The following PSTPIP1 variants were observed in gnomAD, a reference collection of about 807,000 sequenced individuals.
PSTPIP1 encodes the protein proline-serine-threonine phosphatase-interacting protein 1.
Under a neutral mutation model 69.6 loss-of-function variants are expected in PSTPIP1, and 66 were observed. The observed-to-expected ratio is 0.95, with a 90% CI of 0.78 to 1.16. The LOEUF is 1.16. Ranked by LOEUF, PSTPIP1 falls within the 50% of genes most tolerant of loss-of-function variation. The pLI is 0.00. For missense variants in PSTPIP1, 603 were observed against 557.4 expected, an observed-to-expected ratio of 1.08 and a Z score of -0.82; for synonymous variants, 266 against 222.7, an observed-to-expected ratio of 1.19 and a Z score of -1.73.
intron 12 of PSTPIP1, 77 bp from the exon 13 acceptor site, chr15:77,035,431 C>T: frequency 6.9e-6 from 10 of 1,446,746 alleles, no homozygotes; most frequent in Non-Finnish European, 8.5e-6. Context: ...GAGACCTCTC[C>T]CTGTCTAAAC....
At chr15:77,001,002 C>T (rs779552936) in intron 1 of PSTPIP1, among the ~76,000 whole-genome samples, 1 of 152,166 alleles carries the variant, frequency 6.6e-6, no homozygotes, top group South Asian at 2.1e-4. Context: ...CTCACTCCAT[C>T]GGGAACACCT....
At chr15:76,996,682 C>G (rs930585922) in intron 1 of PSTPIP1, among the ~76,000 whole-genome samples, 16 of 152,376 alleles carry the variant, frequency 1.1e-4, no homozygotes, top group African/African-American at 3.8e-4. Flanking sequence ...TCTGCTCTGA[C>G]TGTACAGTAG....
rs757237581 is a variant in PSTPIP1, at chr15:77,035,814, C to A, written c.998C>A (p.Thr333Asn). 1 of 1,608,506 alleles carries A rather than the reference C, an allele frequency of 6.2e-7. No individual in the cohort carries two copies. The highest frequency in any genetic ancestry group is 8.5e-7 in the Non-Finnish European group (1 of 1,179,536). The change falls in exon 14 of 15, where the codon ACC becomes AAC. Residue 333 changes from threonine (T) to asparagine (N), a missense_variant. Transcript: ENST00000558012. ...ACCCTGCTCTTAGCGTCCACAGAGACCCTGACCCCCACCCCCGAGCGGAAT... is the reference window on the plus strand; with the variant it reads ...ACCCTGCTCTTAGCGTCCACAGAGAACCTGACCCCCACCCCCGAGCGGAAT... ...SLAASAASTE[T>N]LTPTPERNEG...
chr15:77,002,259 G>A (rs914969150), intron 1 of PSTPIP1, among the ~76,000 whole-genome samples: 4 of 152,160 alleles, frequency 2.6e-5, no homozygotes, highest in East Asian at 1.9e-4. Flanking sequence ...TAGGTCTGTC[G>A]AACTCTATTG....
At chr15:76,996,053 G>A (rs1366609924) in intron 1 of PSTPIP1, among the ~76,000 whole-genome samples, 1 of 152,148 alleles carries the variant, frequency 6.6e-6, no homozygotes, top group Non-Finnish European at 1.5e-5. Flanking sequence ...TGATAAAATA[G>A]AAATCAACAC....
Position 77,037,319 on chromosome 15 carries a change from T to A in PSTPIP1, c.*143T>A. 9.0e-7 allele frequency: 1 copy of A among 1,114,304 alleles called. No individual in the cohort carries two copies. The highest frequency in any genetic ancestry group is 2.7e-5 in the East Asian group (1 of 36,822). The allele number at this position is 1,114,304 out of a possible 1,614,324, so 69.0% of individuals were successfully genotyped here. On this transcript the variant is annotated 3_prime_UTR_variant, in exon 15 of 15. Coordinates refer to ENST00000558012, the MANE Select transcript of PSTPIP1 (RefSeq NM_003978.5). ...TGTCGTCTCCCAGGGAATAAAGGAG[T>A]GCGTTCTGTTCTCCTTGGTGTGCTG...
chr15:77,018,715 C>T (rs1455514805), intron 3 of PSTPIP1, among the ~76,000 whole-genome samples, 184 bp downstream of exon 3: 1 of 152,034 alleles, frequency 6.6e-6, no homozygotes, highest in Non-Finnish European at 1.5e-5. Context: ...GGGAGGAAGC[C>T]CGAGGGTCTG....
chr15:77,034,141 G>T (rs1007637379), intron 12 of PSTPIP1, among the ~76,000 whole-genome samples: 1 of 152,186 alleles, frequency 6.6e-6, no homozygotes, highest in African/African-American at 2.4e-5. Context: ...GCAGGACTGG[G>T]AAGAGGCGGG....
intron 3 of PSTPIP1, chr15:77,023,504 G>T: frequency 6.5e-6 from 1 of 152,928 alleles, no homozygotes; most frequent in South Asian, 2.1e-4. Flanking sequence ...AGATAAAATA[G>T]AAGGTGGCGG....
chr15:77,027,997 G>T lies in PSTPIP1; in HGVS notation c.417+83G>T. On this transcript the variant is annotated intron_variant, in intron 6 of 14. Coordinates refer to ENST00000558012, the MANE Select transcript of PSTPIP1 (RefSeq NM_003978.5). The surrounding 1 kb of genome is among the most constrained non-coding windows in gnomAD (Gnocchi z 4.3). ...GTGCGATCCTGGGCTGTGGCCCCGG[G>T]CAGGGCATTTGGAACAGGCTGACCT... 1 of 1,285,062 alleles carries T rather than the reference G, an allele frequency of 7.8e-7. No homozygotes were observed. Among genetic ancestry groups the T allele is most frequent in the Non-Finnish European group, 1.1e-6 (1 of 908,928 alleles). The allele number at this position is 1,285,062 out of a possible 1,614,324, so 79.6% of individuals were successfully genotyped here.
At chr15:77,021,904 G>A (rs945374764) in intron 3 of PSTPIP1, among the ~76,000 whole-genome samples, 6 of 152,120 alleles carry the variant, frequency 3.9e-5, no homozygotes, top group Admixed American at 2.6e-4. Context: ...TGCTCATCCT[G>A]CGTCAGGTAA....
Position 76,995,734 on chromosome 15 carries a change from G to A in PSTPIP1, c.36+125G>A, listed in dbSNP as rs1365618221. ...TCTCATAAAATAGTGGTTGATTCTT[G>A]GTCTTAATTGTCATGGAGGTGGCCC... is the stretch of plus-strand genomic sequence containing the variant. On this transcript the variant is annotated intron_variant, in intron 1 of 14. Transcript: ENST00000558012. 6 of 1,541,262 alleles carry A rather than the reference G, an allele frequency of 3.9e-6. No individual in the cohort carries two copies. The African/African-American group carries it at 8.2e-5, about 21-fold the overall frequency.
At chr15:77,022,483 C>G (rs1213376570) in intron 3 of PSTPIP1, among the ~76,000 whole-genome samples, 1 of 152,238 alleles carries the variant, frequency 6.6e-6, no homozygotes, top group African/African-American at 2.4e-5. Context: ...GTGCAGGACC[C>G]TGTCTTCAAC....
At chr15:77,035,385 G>A (rs1309873265) in intron 12 of PSTPIP1, 123 bp from the exon 13 acceptor site, 3 of 1,037,218 alleles carry the variant, frequency 2.9e-6, no homozygotes, top group Non-Finnish European at 4.3e-6. Flanking sequence ...TGGAGGCTAG[G>A]GGCAGTCCCA....
In PSTPIP1 at chr15:76,995,303, G is replaced by A. The variant is rs2075551228; in HGVS notation, c.-271G>A. ...GCAGGGTCGGTGAGGGGCTGGGCTG[G>A]ACACCAGGGCCCGCCCTCCCATCAC... On this transcript the variant is annotated 5_prime_UTR_variant, in exon 1 of 15. Coordinates refer to ENST00000558012, the MANE Select transcript of PSTPIP1 (RefSeq NM_003978.5). 1 of 1,374,458 alleles carries A rather than the reference G, an allele frequency of 7.3e-7. No homozygotes were observed. Among genetic ancestry groups the A allele is most frequent in the Non-Finnish European group, 9.4e-7 (1 of 1,060,906 alleles). The allele number at this position is 1,374,458 out of a possible 1,614,324, so 85.1% of individuals were successfully genotyped here.
chr15:77,037,377 T>G lies in PSTPIP1; in HGVS notation c.*201T>G. 4.8e-6 allele frequency: 3 copies of G among 622,974 alleles called. No homozygotes were observed. The highest frequency in any genetic ancestry group is 7.7e-6 in the Non-Finnish European group (3 of 387,646). The allele number at this position is 622,974 out of a possible 1,614,324, so 38.6% of individuals were successfully genotyped here. A position where few individuals can be genotyped will look rare whatever the true frequency, so the allele number is the denominator to read the frequency against. ...GTTCTCTTTTTCTCCTGCTCCAGTG[T>G]CCGAGTGCTCAGTTCAGAGGAGGCA... On this transcript the variant is annotated 3_prime_UTR_variant, in exon 15 of 15. Transcript: ENST00000558012.
At chr15:77,010,222 G>A (rs533153026) in intron 1 of PSTPIP1, among the ~76,000 whole-genome samples, 1 of 152,348 alleles carries the variant, frequency 6.6e-6, no homozygotes, top group African/African-American at 2.4e-5. Context: ...GTACAGAGCT[G>A]TGTAACCTGG....
intron 7 of PSTPIP1, 75 bp downstream of exon 7, chr15:77,028,727 G>A: frequency 7.9e-7 from 1 of 1,267,014 alleles, no homozygotes; most frequent in Non-Finnish European, 1.1e-6. Flanking sequence ...GGGTGCCGTA[G>A]ACACCCCCAG....
At position 77,014,419 on chromosome 15, in the gene PSTPIP1, C is replaced by T. The variant is rs75847992; in HGVS notation, c.37-3729C>T. The stretch of plus-strand genomic sequence containing the variant: ...CGGGAGGTGTGAACCCACATCTAGT[C>T]AGTCAGACCCTTCCCAGCCTCTCAA... On this transcript the variant is annotated intron_variant, in intron 1 of 14. Coordinates refer to ENST00000558012, the MANE Select transcript of PSTPIP1 (RefSeq NM_003978.5). Among the ~76,000 whole-genome samples the T allele has an allele frequency of 6.3e-3, 961 of 152,286 alleles. 11 individuals are homozygous for T. The highest frequency in any genetic ancestry group is 0.022 in the African/African-American group (924 of 41,564).
Sources: gnomAD v4.1 joint callset for allele counts (sites outside exome capture counted in the v4.1 genomes callset) on GRCh38, gnomAD v4.1.1 for gene constraint, Gnocchi (gnomAD v3.1) non-coding constraint, MANE v1.5 for transcripts, NCBI Gene and HGNC (gene_info 2026-07-23, HGNC 2026-07-21) for gene names.